Variants in UBR1 observed in about 807,000 individuals in gnomAD.
The protein encoded by UBR1 is E3 ubiquitin-protein ligase UBR1.
Under a neutral mutation model 242.1 loss-of-function variants are expected in UBR1, and 102 were observed. The ratio of observed to expected loss-of-function variants is 0.42; its 90% CI spans 0.36 to 0.50. The LOEUF (loss-of-function observed/expected upper bound fraction) is 0.50, where lower values mean the gene tolerates loss of function less well. Among genes scored for constraint, UBR1 ranks in the 20% least tolerant of loss-of-function variants. The pLI, the probability that UBR1 is intolerant of heterozygous loss-of-function variation, is 0.01. For synonymous variants in UBR1, 675 were observed against 684.8 expected (o/e 0.99, Z 0.22); for missense variants, 1,772 against 2,101.8 (o/e 0.84, Z 3.07).
intron 25 of UBR1, among the ~76,000 whole-genome samples, chr15:43,023,769 T>C (rs1000196263): frequency 3.3e-5 from 5 of 152,130 alleles, no homozygotes; most frequent in African/African-American, 4.8e-5. Context: ...ATAGTGGTGA[T>C]GGTAAAGTAA....
Position 43,059,161 on chromosome 15 carries a change from G to C in UBR1, c.1017C>G (p.Cys339Trp). 5 of 1,614,068 alleles carry C rather than the reference G, an allele frequency of 3.1e-6. No homozygotes were observed. The highest frequency in any genetic ancestry group is 4.2e-6 in the Non-Finnish European group (5 of 1,180,010). ...TCTCCGAGTCAGGTTCTTCTCTAAG[G>C]CATGCTTGGCAAAAGATCTGCCTAA... Reference protein sequence around the residue: ...SDFRQIFCQACLREEPDSENP... With the variant: ...SDFRQIFCQAWLREEPDSENP... The change falls in exon 9 of 47, where the codon TGC becomes TGG. Residue 339 changes from cysteine (C) to tryptophan (W), a missense_variant. Coordinates refer to ENST00000290650, the MANE Select transcript of UBR1 (RefSeq NM_174916.3).
At chr15:42,990,215 C>T in intron 33 of UBR1, 95 bp from the exon 34 acceptor site, 3 of 902,070 alleles carry the variant, frequency 3.3e-6, no homozygotes, top group Non-Finnish European at 5.3e-6. Flanking sequence ...TTGACAGTCT[C>T]ACTCTGTCAC....
At chr15:42,987,154 C>T (rs2032477096) in intron 35 of UBR1, among the ~76,000 whole-genome samples, 1 of 152,230 alleles carries the variant, frequency 6.6e-6, no homozygotes, top group Non-Finnish European at 1.5e-5. Flanking sequence ...GGCGGCTTTG[C>T]CCATCAGTCC....
chr15:42,985,408 A>G (rs2032442903), intron 35 of UBR1, among the ~76,000 whole-genome samples: 1 of 152,044 alleles, frequency 6.6e-6, no homozygotes, highest in South Asian at 2.1e-4. Flanking sequence ...GCTGGAGTGC[A>G]ATGGCGCGAT....
At chr15:43,016,765 C>T (rs916345485) in intron 28 of UBR1, among the ~76,000 whole-genome samples, 1 of 152,122 alleles carries the variant, frequency 6.6e-6, no homozygotes, top group Non-Finnish European at 1.5e-5. Context: ...TTACTAGAGA[C>T]GTGGTTTGGC....
chr15:43,027,852 T>C (rs2033197356), intron 21 of UBR1, 24 bp from the exon 22 acceptor site: 10 of 1,595,730 alleles, frequency 6.3e-6, no homozygotes, highest in Non-Finnish European at 8.6e-6. Flanking sequence ...ATTTTTGTCA[T>C]TTTTACCTTC....
chr15:42,984,955 A>T lies in UBR1; in HGVS notation c.3998-13T>A, dbSNP rs1431838785. The T allele has an allele frequency of 6.3e-7, 1 of 1,582,278 alleles. No homozygotes were observed. The highest frequency in any genetic ancestry group is 1.4e-5 in the African/African-American group (1 of 74,000). On this transcript the variant is annotated splice_polypyrimidine_tract_variant and intron_variant, in intron 35 of 46. Coordinates refer to ENST00000290650, the MANE Select transcript of UBR1 (RefSeq NM_174916.3). ...CCCAATAGATTTTCTCAAAGAATAA[A>T]AAAAAATAAAAATAATAAATCCTGA...
At chr15:42,954,061 T>A (rs2031877924) in intron 44 of UBR1, among the ~76,000 whole-genome samples, 1 of 151,876 alleles carries the variant, frequency 6.6e-6, no homozygotes, top group African/African-American at 2.4e-5. Context: ...TATTTTGTAT[T>A]TTTTGTAGAG....
intron 29 of UBR1, among the ~76,000 whole-genome samples, chr15:43,012,841 G>C (rs956248565): frequency 2.0e-5 from 3 of 152,152 alleles, no homozygotes; most frequent in East Asian, 1.9e-4. Context: ...CAAGATTAAA[G>C]ATACATATCA....
intron 13 of UBR1, among the ~76,000 whole-genome samples, chr15:43,047,865 G>C (rs1198070849): frequency 1.3e-5 from 2 of 152,146 alleles, no homozygotes; most frequent in African/African-American, 2.4e-5. Context: ...TGCATGAAAA[G>C]TGCTTACTAC....
chr15:42,990,162 G>GTT, intron 33 of UBR1, 42 bp from the exon 34 acceptor site: 1 of 1,371,056 alleles, frequency 7.3e-7, no homozygotes, highest in Non-Finnish European at 1.0e-6. Flanking sequence ...TCATGAATGA[G>GTT]TTTAGTCTGA....
At chr15:43,025,895 G>A (rs1405057763) in intron 23 of UBR1, 2 of 157,434 alleles carry the variant, frequency 1.3e-5, no homozygotes, top group African/African-American at 2.4e-5. Flanking sequence ...AAATGCCGAT[G>A]TTACAAAAGA....
At chr15:42,992,475 A>G (rs2032570945) in intron 33 of UBR1, among the ~76,000 whole-genome samples, 1 of 152,212 alleles carries the variant, frequency 6.6e-6, no homozygotes, top group African/African-American at 2.4e-5. Context: ...TCCTCTGTGG[A>G]TGGTGATTCC....
intron 15 of UBR1, among the ~76,000 whole-genome samples, chr15:43,042,766 A>C (rs2033436394): frequency 6.6e-6 from 1 of 152,166 alleles, no homozygotes; most frequent in African/African-American, 2.4e-5. Flanking sequence ...CAATAAAGCT[A>C]TTTTTTAAAA....
At chr15:43,010,621 G>A (rs983924499) in intron 29 of UBR1, among the ~76,000 whole-genome samples, 1 of 152,122 alleles carries the variant, frequency 6.6e-6, no homozygotes. Flanking sequence ...ATTTGGGCTG[G>A]TGCTCAAATG....
chr15:43,049,539 G>C (rs1375391076), intron 12 of UBR1, among the ~76,000 whole-genome samples: 1 of 152,106 alleles, frequency 6.6e-6, no homozygotes, highest in Non-Finnish European at 1.5e-5. Context: ...CTCCAGCCTG[G>C]GTGACAGCAT....
intron 40 of UBR1, among the ~76,000 whole-genome samples, chr15:42,969,576 C>T (rs2032168836): frequency 6.6e-6 from 1 of 152,128 alleles, no homozygotes; most frequent in South Asian, 2.1e-4. Flanking sequence ...GTGTTTTAGT[C>T]ATGAAGTCTT....
chr15:43,005,358 C>CCCCGT (rs2032800580), intron 30 of UBR1, among the ~76,000 whole-genome samples: 18 of 151,384 alleles, frequency 1.2e-4, no homozygotes, highest in Admixed American at 6.6e-4. Context: ...TGGCCAGCCG[C>CCCCGT]CCCATCCGGG....
chr15:42,958,630 G>T (rs2031962987), intron 43 of UBR1, among the ~76,000 whole-genome samples: 1 of 152,064 alleles, frequency 6.6e-6, no homozygotes. Context: ...TAGCATTAAG[G>T]AAACATATAG....
Sources: gnomAD v4.1 joint callset for allele counts (sites outside exome capture counted in the v4.1 genomes callset) on GRCh38, gnomAD v4.1.1 for gene constraint, MANE v1.5 for transcripts, NCBI Gene and HGNC (gene_info 2026-07-23, HGNC 2026-07-21) for gene names.